Variants in EPB41L4B observed in about 807,000 individuals in gnomAD.
The protein encoded by EPB41L4B is band 4.1-like protein 4B.
Under a neutral mutation model 112.5 loss-of-function variants are expected in EPB41L4B, and 30 were observed. The ratio of observed to expected loss-of-function variants is 0.27; its 90% CI spans 0.20 to 0.36. The LOEUF (loss-of-function observed/expected upper bound fraction) is 0.36, where lower values mean the gene tolerates loss of function less well. Ranked by LOEUF, EPB41L4B falls within the 10% of genes least tolerant of loss-of-function variation. The pLI is 1.00. For synonymous variants in EPB41L4B, 408 were observed against 439.7 expected (o/e 0.93, Z 0.90); for missense variants, 1,024 against 1,133.3 (o/e 0.90, Z 1.38).
intron 1 of EPB41L4B, among the ~76,000 whole-genome samples, chr9:109,284,339 T>C (rs773270805): frequency 2.6e-5 from 4 of 152,216 alleles, no homozygotes; most frequent in Non-Finnish European, 4.4e-5. Context: ...ACAGAATCCT[T>C]AGTCAAACCA....
At chr9:109,282,233 G>C (rs1836092441) in intron 1 of EPB41L4B, among the ~76,000 whole-genome samples, 1 of 152,154 alleles carries the variant, frequency 6.6e-6, no homozygotes, top group African/African-American at 2.4e-5. Context: ...GTTGCTTCGG[G>C]CAAAGGGGTT....
chr9:109,174,471 G>C lies in EPB41L4B; in HGVS notation c.*83C>G. 1 of 1,299,312 alleles carries C rather than the reference G, an allele frequency of 7.7e-7. No individual in the cohort carries two copies. The highest frequency in any genetic ancestry group is 1.1e-6 in the Non-Finnish European group (1 of 893,932). The allele number at this position is 1,299,312 out of a possible 1,614,324, so 80.5% of individuals were successfully genotyped here. On this transcript the variant is annotated 3_prime_UTR_variant, in exon 26 of 26. Coordinates refer to ENST00000374566, the MANE Select transcript of EPB41L4B (RefSeq NM_019114.5). ...CGAACAGAGCACACACTTGTATGCTGTGCTAGAGTGAGCACACAAAGCCCG... is the reference window on the plus strand; with the variant it reads ...CGAACAGAGCACACACTTGTATGCTCTGCTAGAGTGAGCACACAAAGCCCG...
At chr9:109,190,694 G>C (rs1460900693) in intron 22 of EPB41L4B, among the ~76,000 whole-genome samples, 1 of 152,246 alleles carries the variant, frequency 6.6e-6, no homozygotes, top group Non-Finnish European at 1.5e-5. Flanking sequence ...TGGCAGCCCA[G>C]AGTCTAGGTT....
intron 10 of EPB41L4B, 23 bp downstream of exon 10, chr9:109,255,751 G>GAAGAA: frequency 1.2e-6 from 2 of 1,612,750 alleles, no homozygotes; most frequent in Non-Finnish European, 1.7e-6. Flanking sequence ...CAGCAAGGGG[G>GAAGAA]AAGAAATGGG....
chr9:109,305,314 T>C (rs1837139137), intron 1 of EPB41L4B, among the ~76,000 whole-genome samples: 1 of 152,000 alleles, frequency 6.6e-6, no homozygotes, highest in Admixed American at 6.6e-5. Context: ...GGGATAAGAA[T>C]CAGCCAATAC....
At chr9:109,226,753 A>G (rs1297781463) in intron 15 of EPB41L4B, among the ~76,000 whole-genome samples, 1 of 101,588 alleles carries the variant, frequency 9.8e-6, no homozygotes, top group Non-Finnish European at 2.0e-5. Context: ...ATATATATGA[A>G]GAATATATAT....
chr9:109,225,984 A>G (rs1289848111), intron 15 of EPB41L4B, among the ~76,000 whole-genome samples: 1 of 152,214 alleles, frequency 6.6e-6, no homozygotes, highest in East Asian at 1.9e-4. Flanking sequence ...TTATGTGTAT[A>G]TTGTGAAGTA....
intron 2 of EPB41L4B, among the ~76,000 whole-genome samples, chr9:109,268,636 C>T (rs10816795): frequency 0.47 from 70,792 of 151,480 alleles, 16,719 homozygotes; most frequent in East Asian, 0.66. Flanking sequence ...CGGTGGCTCA[C>T]GCCTGTAATC....
chr9:109,280,411 G>C (rs752639329), intron 1 of EPB41L4B, among the ~76,000 whole-genome samples: 26 of 152,300 alleles, frequency 1.7e-4, no homozygotes, highest in Non-Finnish European at 1.0e-4. Context: ...GAGGTCACAG[G>C]CCATAACCAG....
chr9:109,312,734 T>C (rs1837464064), intron 1 of EPB41L4B, among the ~76,000 whole-genome samples: 1 of 152,192 alleles, frequency 6.6e-6, no homozygotes, highest in South Asian at 2.1e-4. Context: ...ATCATCTTCA[T>C]TTCAAAGGCA....
chr9:109,228,342 C>T (rs1480609332), intron 15 of EPB41L4B, among the ~76,000 whole-genome samples: 2 of 152,194 alleles, frequency 1.3e-5, no homozygotes, highest in Non-Finnish European at 2.9e-5. Flanking sequence ...CAGTATTGCA[C>T]TCCAGCTTAT....
intron 15 of EPB41L4B, among the ~76,000 whole-genome samples, chr9:109,223,395 C>T (rs557420014): frequency 6.7e-6 from 1 of 148,156 alleles, no homozygotes; most frequent in Admixed American, 6.8e-5. Flanking sequence ...AAGATCGAGC[C>T]ACTGTTCTCC....
chr9:109,183,068 C>T (rs1201769074), intron 23 of EPB41L4B, among the ~76,000 whole-genome samples: 1 of 152,148 alleles, frequency 6.6e-6, no homozygotes, highest in Non-Finnish European at 1.5e-5. Context: ...TTGCCTCCCC[C>T]TGGAGCTGCC....
intron 23 of EPB41L4B, among the ~76,000 whole-genome samples, chr9:109,184,739 C>T (rs979355456): frequency 2.0e-5 from 3 of 152,242 alleles, no homozygotes; most frequent in Admixed American, 2.0e-4. Flanking sequence ...TTTAATCCAG[C>T]AGGGTATAGC....
rs10512228 is a variant in EPB41L4B, at chr9:109,279,759, C to A, written c.411+58G>T. On this transcript the variant is annotated intron_variant, in intron 2 of 25. Coordinates refer to ENST00000374566, the MANE Select transcript of EPB41L4B (RefSeq NM_019114.5). ...TCTACCCATTTCTAGCAACTGTGGA[C>A]GTGCAATTAGCAATGAAAAGCCAAT... 3.7e-3 allele frequency: 5,064 copies of A among 1,381,834 alleles called. 120 individuals are homozygous for A. The African/African-American group carries it at 0.058, about 16-fold the overall frequency. The allele number at this position is 1,381,834 out of a possible 1,614,324, so 85.6% of individuals were successfully genotyped here.
intron 1 of EPB41L4B, among the ~76,000 whole-genome samples, chr9:109,313,528 T>C (rs1022205225): frequency 1.3e-5 from 2 of 152,004 alleles, no homozygotes; most frequent in African/African-American, 4.8e-5. Context: ...CTGGCGAGAG[T>C]CGAGACTGCC....
chr9:109,213,135 T>C (rs544797071), intron 17 of EPB41L4B, among the ~76,000 whole-genome samples: 6 of 152,368 alleles, frequency 3.9e-5, no homozygotes, highest in Non-Finnish European at 4.4e-5. Context: ...TCCCTTCCTC[T>C]GGTCTGAGAC....
chr9:109,276,470 G>A (rs1835833170), intron 2 of EPB41L4B, among the ~76,000 whole-genome samples: 1 of 152,194 alleles, frequency 6.6e-6, no homozygotes, highest in African/African-American at 2.4e-5. Flanking sequence ...AGATGGGAAT[G>A]ACTAGAGGGT....
chr9:109,211,674 A>G (rs1343756013), intron 17 of EPB41L4B, among the ~76,000 whole-genome samples: 1 of 150,496 alleles, frequency 6.6e-6, no homozygotes. Context: ...TTATCTGTAT[A>G]ATCACATCAC....
Sources: gnomAD v4.1 joint callset for allele counts (sites outside exome capture counted in the v4.1 genomes callset) on GRCh38, gnomAD v4.1.1 for gene constraint, MANE v1.5 for transcripts, NCBI Gene and HGNC (gene_info 2026-07-23, HGNC 2026-07-21) for gene names.